TRIM24: variants seen among roughly 807,000 people sequenced by gnomAD.
TRIM24 encodes transcription intermediary factor 1-alpha.
A neutral mutation model predicts 123.9 loss-of-function variants in TRIM24; 29 were observed. That is an observed-to-expected ratio of 0.23 (90% confidence interval 0.17 to 0.32). The LOEUF (loss-of-function observed/expected upper bound fraction) is 0.32. Ranked by LOEUF, TRIM24 falls within the 10% of genes least tolerant of loss-of-function variation. The pLI is 1.00. For synonymous variants in TRIM24, 456 were observed against 461.1 expected, an observed-to-expected ratio of 0.99 and a Z score of 0.14; for missense variants, 932 against 1,295.3, an observed-to-expected ratio of 0.72 and a Z score of 4.31.
chr7:138,499,219 A>T (rs1795978533), intron 1 of TRIM24, among the ~76,000 whole-genome samples: 1 of 152,126 alleles, frequency 6.6e-6, no homozygotes, highest in African/African-American at 2.4e-5. Context: ...TCTCTTGTAA[A>T]TAGTCCTTGT....
intron 2 of TRIM24, among the ~76,000 whole-genome samples, chr7:138,509,565 A>G (rs926059609): frequency 1.3e-5 from 2 of 150,516 alleles, no homozygotes; most frequent in African/African-American, 4.9e-5. Flanking sequence ...TTAGCTGGGC[A>G]TGGTGGCACC....
Position 138,579,204 on chromosome 7 carries a change from G to A in TRIM24, c.2257G>A (p.Ala753Thr). The A allele has an allele frequency of 3.2e-6, 5 of 1,559,306 alleles. No individual in the cohort carries two copies. The highest frequency in any genetic ancestry group is 4.3e-6 in the Non-Finnish European group (5 of 1,155,788). Residue 753 changes from alanine to threonine, a missense_variant and splice_region_variant, in exon 15 of 19, where the codon GCC becomes ACC. By Grantham distance (58) the Ala-to-Thr change is moderately conservative. This residue lies in a region of TRIM24 where 527 missense variants were observed against 691.3 expected (regional missense o/e 0.76). Transcript: ENST00000343526. ...TAAATATATTTTTTTTCTACTACAG[G>A]CCAATTATCCAAGAAGCATACTCAC... ...ESDEESRPQNANYPRSILTSL... is the reference protein window; with the variant it reads ...ESDEESRPQNTNYPRSILTSL...
In TRIM24 at chr7:138,579,129, G is replaced by A. The variant is rs969381827; in HGVS notation, c.2257-75G>A. 7.4e-6 allele frequency: 9 copies of A among 1,218,386 alleles called. No individual in the cohort carries two copies. The African/African-American group carries it at 1.1e-4, about 15-fold the overall frequency. The allele number at this position is 1,218,386 out of a possible 1,614,324, so 75.5% of individuals were successfully genotyped here. On this transcript the variant is annotated intron_variant, in intron 14 of 18. Coordinates refer to ENST00000343526, the MANE Select transcript of TRIM24 (RefSeq NM_015905.3). ...AGCAGCCAGGTGCTCACCAGAGAGT[G>A]GTCTACAGTTCAGAATTGCATTAGT...
chr7:138,493,262 A>T (rs1001151559), intron 1 of TRIM24, among the ~76,000 whole-genome samples: 2 of 152,254 alleles, frequency 1.3e-5, no homozygotes, highest in Middle Eastern at 6.8e-3. Context: ...TTTCTGTGAA[A>T]TTATTTTTTT....
chr7:138,518,789 C>T (rs926585104), intron 3 of TRIM24, among the ~76,000 whole-genome samples: 5 of 152,154 alleles, frequency 3.3e-5, no homozygotes, highest in Admixed American at 2.0e-4. Flanking sequence ...GCGTGGGCCA[C>T]TGTGCCAGGC....
At chr7:138,492,273 C>CAAAAAAAAAAAAAAAA (rs34380067) in intron 1 of TRIM24, among the ~76,000 whole-genome samples, 3 of 60,008 alleles carry the variant, frequency 5.0e-5, no homozygotes, top group African/African-American at 2.3e-4. Context: ...ACTCTGTCTC[C>CAAAAAAAAAAAAAAAA]AAAAAAAAAA....
At chr7:138,508,724 T>TGTGTGTGTGTGTGTGC (rs1796220575) in intron 2 of TRIM24, among the ~76,000 whole-genome samples, 1 of 148,724 alleles carries the variant, frequency 6.7e-6, no homozygotes, top group African/African-American at 2.5e-5. Flanking sequence ...TGTGTGCGTG[T>TGTGTGTGTGTGTGTGC]GTGTGTGTGT....
rs1796458338 is a variant in TRIM24 at position 138,519,208 on chromosome 7, C to G, written c.651C>G (p.Ser217Arg). The G allele has an allele frequency of 6.2e-7, 1 of 1,614,072 alleles. No homozygotes were observed. Residue 217 changes from serine (S) to arginine (R), a missense_variant, in exon 4 of 19, where the codon AGC becomes AGG. This residue lies in a region of TRIM24 where 74 missense variants were observed against 163.6 expected (regional missense o/e 0.45). Coordinates refer to ENST00000343526, the MANE Select transcript of TRIM24 (RefSeq NM_015905.3). ...CTGCAGAGGCAGTTGGTGTCACCAG[C>G]CAGCGACCAGTGTTTTGTCCTTTTC... ...EVSPEAVGVT[S>R]QRPVFCPFHK...
chr7:138,509,655 T>G (rs1247617917), intron 2 of TRIM24, among the ~76,000 whole-genome samples: 6 of 137,404 alleles, frequency 4.4e-5, no homozygotes, highest in Non-Finnish European at 6.0e-5. Flanking sequence ...TGAGCCAAGA[T>G]TGCACCACAG....
chr7:138,528,491 C>T (rs1796658824), intron 5 of TRIM24, among the ~76,000 whole-genome samples: 2 of 151,976 alleles, frequency 1.3e-5, no homozygotes, highest in Non-Finnish European at 2.9e-5. Flanking sequence ...GTTTTTCAAA[C>T]TTGCTTTTCT....
At chr7:138,549,336 A>C (rs895651261) in intron 7 of TRIM24, among the ~76,000 whole-genome samples, 7 of 152,212 alleles carry the variant, frequency 4.6e-5, no homozygotes, top group African/African-American at 1.7e-4. Flanking sequence ...GCATTCCAGC[A>C]CATAGCGGTG....
intron 6 of TRIM24, among the ~76,000 whole-genome samples, chr7:138,531,366 C>A (rs1584722383): frequency 7.0e-6 from 1 of 143,066 alleles, no homozygotes. Flanking sequence ...ATCCCTCCCC[C>A]CTCCCCCAAC....
rs373763273 is a variant in TRIM24 at position 138,583,868 on chromosome 7, A to T, written c.2812A>T (p.Ile938Leu). 1.3e-6 allele frequency: 2 copies of T among 1,583,678 alleles called. No homozygotes were observed. The highest frequency in any genetic ancestry group is 1.4e-5 in the African/African-American group (1 of 73,198). Residue 938 changes from isoleucine (I) to leucine (L), a missense_variant, in exon 18 of 19, where the codon ATA becomes TTA. Around this residue, in one of 7 missense-constraint regions of TRIM24, gnomAD observed 16 missense variants for 46.5 expected, o/e 0.34. Coordinates refer to ENST00000343526, the MANE Select transcript of TRIM24 (RefSeq NM_015905.3). ...VPLTVPDYYKIIKNPMDLSTI... is the reference protein window; with the variant it reads ...VPLTVPDYYKLIKNPMDLSTI... ...TTAATAGGTGCCTGATTATTACAAA[A>T]TAATTAAAAATCCAATGGATTTGTC...
At chr7:138,526,141 G>C (rs138242108) in intron 5 of TRIM24, among the ~76,000 whole-genome samples, 1 of 152,200 alleles carries the variant, frequency 6.6e-6, no homozygotes, top group Non-Finnish European at 1.5e-5. Flanking sequence ...GCGTAAAAGA[G>C]ACCTCACAGA....
Position 138,584,997 on chromosome 7 carries a change from TCAAAAAAA to T in TRIM24, c.*49_*56del. The T allele has an allele frequency of 6.7e-7, 1 of 1,498,092 alleles. No individual in the cohort carries two copies. Among genetic ancestry groups the T allele is most frequent in the Non-Finnish European group, 9.0e-7 (1 of 1,106,154 alleles). The allele number at this position is 1,498,092 out of a possible 1,614,324, so 92.8% of individuals were successfully genotyped here. On this transcript the variant is annotated 3_prime_UTR_variant, in exon 19 of 19. Transcript: ENST00000343526. ...TGCTGGTTTTTAGATTTTTTTGTTTTCAAAAAAACATTTGTCAGTAATTTAACATCACT... is the reference window on the plus strand; with the variant it reads ...TGCTGGTTTTTAGATTTTTTTGTTTTCATTTGTCAGTAATTTAACATCACT...
In TRIM24 at chr7:138,568,379, C is replaced by CTTT. The variant is rs60386130; in HGVS notation, c.1704+753_1704+755dup. ...CTCGTAAGCCACCGTACCTGGCCTC[C>CTTT]TTTTTTTTTTTTTTTTTTTTTTTTT... On this transcript the variant is annotated intron_variant, in intron 10 of 18. Transcript: ENST00000343526. Among the ~76,000 whole-genome samples the CTTT allele has an allele frequency of 4.4e-3, 304 of 68,692 alleles. 17 individuals are homozygous for CTTT. Among genetic ancestry groups the CTTT allele is most frequent in the South Asian group, 0.011 (15 of 1,360 alleles). The allele number at this position is 68,692 out of a possible 152,430, so 45.1% of individuals were successfully genotyped here.
intron 9 of TRIM24, among the ~76,000 whole-genome samples, chr7:138,556,879 C>A (rs1341325038): frequency 6.6e-6 from 1 of 152,200 alleles, no homozygotes; most frequent in Non-Finnish European, 1.5e-5. Flanking sequence ...CAGGGCTTGA[C>A]TTTTATACAC....
At chr7:138,494,733 G>A (rs900578090) in intron 1 of TRIM24, among the ~76,000 whole-genome samples, 1 of 152,126 alleles carries the variant, frequency 6.6e-6, no homozygotes, top group African/African-American at 2.4e-5. Flanking sequence ...TGAGAAACTG[G>A]ATATTGTTAT....
At position 138,469,055 on chromosome 7, in the gene TRIM24, C is replaced by T. The variant is rs901324138; in HGVS notation, c.364+8143C>T. Among the ~76,000 whole-genome samples, 3 of 152,048 alleles carry T rather than the reference C, an allele frequency of 2.0e-5. No homozygotes were observed. The East Asian group carries it at 5.8e-4, about 29-fold the overall frequency. Reference sequence around the variant, plus strand: ...CTTTTGTCCATTGTCTGAAAAGTTGCCTAAGGTATCTGTCCTGGTAATATA... The same window carrying T: ...CTTTTGTCCATTGTCTGAAAAGTTGTCTAAGGTATCTGTCCTGGTAATATA... On this transcript the variant is annotated intron_variant, in intron 1 of 18. Transcript: ENST00000343526.
Sources: gnomAD v4.1 joint callset for allele counts (sites outside exome capture counted in the v4.1 genomes callset) on GRCh38, gnomAD v4.1.1 for gene constraint, gnomAD v4.1.1 regional missense constraint, MANE v1.5 for transcripts, NCBI Gene and HGNC (gene_info 2026-07-23, HGNC 2026-07-21) for gene names.